MYL4: variants seen among roughly 807,000 people sequenced by gnomAD.
The protein encoded by MYL4 is myosin light chain 4.
MYL4 carries 16 observed loss-of-function variants against 21.6 expected under a neutral mutation model. The ratio of observed to expected loss-of-function variants is 0.74; its 90% CI spans 0.50 to 1.12. MYL4 has a LOEUF of 1.12. Ranked by LOEUF, MYL4 falls within the 50% of genes most tolerant of loss-of-function variation. MYL4 has a pLI of 0.00. For missense variants in MYL4, 249 were observed against 252.9 expected (o/e 0.98, Z 0.11); for synonymous variants, 82 against 95.7 (o/e 0.86, Z 0.83).
chr17:47,209,648 G>C (rs902777617), intron 1 of MYL4, 91 bp downstream of exon 1: 4 of 1,600,708 alleles, frequency 2.5e-6, no homozygotes, highest in Non-Finnish European at 3.4e-6. Context: ...ATGTGGGCTG[G>C]ACTGGGATGA....
At chr17:47,201,957 A>T (rs12937083) in intron 1 of MYL4, among the ~76,000 whole-genome samples, 12,435 of 152,130 alleles carry the variant, frequency 0.082, 588 homozygotes, top group African/African-American at 0.11. Flanking sequence ...TCATTTCAAC[A>T]TGTAATCAAT....
downstream of MYL4, among the ~76,000 whole-genome samples, chr17:47,226,378 A>G (rs1331477471): frequency 6.6e-6 from 1 of 152,188 alleles, no homozygotes; most frequent in Non-Finnish European, 1.5e-5. Flanking sequence ...CCCCAGGGAG[A>G]AGAAGAGCAT....
intron 2 of MYL4, among the ~76,000 whole-genome samples, chr17:47,218,938 T>G (rs1359539990): frequency 6.6e-6 from 1 of 152,184 alleles, no homozygotes; most frequent in Non-Finnish European, 1.5e-5. Context: ...AGCTGGTAAG[T>G]AGGAAAGAGA....
chr17:47,192,849 C>T, the MYL4 span, among the ~76,000 whole-genome samples: 1 of 152,136 alleles, frequency 6.6e-6, no homozygotes, highest in African/African-American at 2.4e-5. Flanking sequence ...CTGCTGTCAT[C>T]CGTTATCCAA....
rs759136865 is a variant in MYL4 at position 47,223,056 on chromosome 17, A to G, written c.*14A>G. ...ATGTCAGGGTGAAGCAGAGTCTTCC[A>G]GGTGAGTGCAGCCTCTCCCTCCTGG... On this transcript the variant is annotated splice_region_variant and 3_prime_UTR_variant, in exon 6 of 7. Coordinates refer to ENST00000393450, the MANE Select transcript of MYL4 (RefSeq NM_002476.2). The G allele has an allele frequency of 2.2e-5, 35 of 1,614,034 alleles. No homozygotes were observed. Among genetic ancestry groups the G allele is most frequent in the Non-Finnish European group, 2.8e-5 (33 of 1,180,010 alleles).
chr17:47,190,216 G>A, the MYL4 span, among the ~76,000 whole-genome samples: 1 of 152,122 alleles, frequency 6.6e-6, no homozygotes, highest in African/African-American at 2.4e-5. Context: ...GCCTGGTTTT[G>A]AATTTTATCT....
chr17:47,208,747 G>A (rs2064748617), upstream of MYL4, among the ~76,000 whole-genome samples: 1 of 152,190 alleles, frequency 6.6e-6, no homozygotes, highest in African/African-American at 2.4e-5. Flanking sequence ...GAGGTTGTGT[G>A]TAAGGGGGTA....
At chr17:47,224,175 T>C (rs1433858725), downstream of MYL4, among the ~76,000 whole-genome samples, 2 of 152,222 alleles carry the variant, frequency 1.3e-5, no homozygotes, top group African/African-American at 2.4e-5. Flanking sequence ...GATAAAGACA[T>C]ACCTGAAACT....
the MYL4 span, among the ~76,000 whole-genome samples, chr17:47,195,076 G>A: frequency 8.4e-5 from 3 of 35,656 alleles, no homozygotes; most frequent in African/African-American, 3.5e-4. Context: ...TTTTTTTTTT[G>A]AGACAGAGTC....
intron 2 of MYL4, among the ~76,000 whole-genome samples, chr17:47,218,272 A>G (rs1216755990): frequency 1.3e-5 from 2 of 152,230 alleles, no homozygotes; most frequent in African/African-American, 2.4e-5. Flanking sequence ...CTTCTGTGAT[A>G]TGTGGAATGA....
upstream of MYL4, among the ~76,000 whole-genome samples, chr17:47,199,637 G>A (rs2064702367): frequency 6.8e-6 from 1 of 147,132 alleles, no homozygotes; most frequent in South Asian, 2.2e-4. Flanking sequence ...ATTAACAAAT[G>A]TGTACCTGTA....
At chr17:47,216,654 C>T (rs1210484000) in intron 2 of MYL4, among the ~76,000 whole-genome samples, 2 of 151,722 alleles carry the variant, frequency 1.3e-5, no homozygotes, top group Non-Finnish European at 2.9e-5. Flanking sequence ...CTTCAGGTTT[C>T]ACCCTCTTAT....
intron 2 of MYL4, among the ~76,000 whole-genome samples, chr17:47,216,679 TC>T (rs1368903305): frequency 6.6e-6 from 1 of 151,442 alleles, no homozygotes; most frequent in Non-Finnish European, 1.5e-5. Flanking sequence ...CATCATGACA[TC>T]TTTTTTTTCT....
chr17:47,209,571 A>G lies in MYL4; in HGVS notation c.135+14A>G, dbSNP rs760301323. 2 of 1,614,214 alleles carry G rather than the reference A, an allele frequency of 1.2e-6. No individual in the cohort carries two copies. Among genetic ancestry groups the G allele is most frequent in the South Asian group, 2.2e-5 (2 of 91,080 alleles). ...AAGAGTGTAAAGGTAAGTGAGGCTC[A>G]GCCATTGGGATAGAGGTGGGGATGA... On this transcript the variant is annotated intron_variant, in intron 1 of 6. Transcript: ENST00000393450.
At chr17:47,208,185 C>G (rs939470709), upstream of MYL4, among the ~76,000 whole-genome samples, 1 of 152,138 alleles carries the variant, frequency 6.6e-6, no homozygotes, top group Non-Finnish European at 1.5e-5. Flanking sequence ...AAGACCGAGG[C>G]TAGTGGATCC....
At chr17:47,207,483 C>G (rs1047273108), upstream of MYL4, among the ~76,000 whole-genome samples, 1 of 152,154 alleles carries the variant, frequency 6.6e-6, no homozygotes, top group African/African-American at 2.4e-5. Flanking sequence ...GGGCATGGAA[C>G]CTGTAGTTAG....
chr17:47,222,354 C>G (rs113572457), intron 4 of MYL4, 26 bp from the exon 5 acceptor site: 1 of 1,609,600 alleles, frequency 6.2e-7, no homozygotes, highest in African/African-American at 1.3e-5. Context: ...TAATTAAGAG[C>G]GCACCACCTC....
chr17:47,191,822 T>G, the MYL4 span, among the ~76,000 whole-genome samples: 1 of 152,196 alleles, frequency 6.6e-6, no homozygotes, highest in Non-Finnish European at 1.5e-5. Flanking sequence ...GCTAAACTTG[T>G]GTGGTCATTT....
Position 47,219,916 on chromosome 17 carries a change from C to T in MYL4, c.176C>T (p.Ala59Val), listed in dbSNP as rs199785200. Residue 59 changes from alanine (A) to valine (V), a missense_variant, in exon 3 of 7, where the codon GCC (alanine) becomes GTC (valine). Coordinates refer to ENST00000393450, the MANE Select transcript of MYL4 (RefSeq NM_002476.2). The part of the protein sequence containing the change: ...TADQIEEFKE[A>V]FSLFDRTPTG... ...CTTCTCTCCACAGAGTTCAAAGAGG[C>T]CTTTTCATTGTTTGACCGGACCCCG... 6 of 1,614,228 alleles carry T rather than the reference C, an allele frequency of 3.7e-6. No individual in the cohort carries two copies. The East Asian group carries it at 1.1e-4, about 30-fold the overall frequency.
Sources: gnomAD v4.1 joint callset for allele counts (sites outside exome capture counted in the v4.1 genomes callset) on GRCh38, gnomAD v4.1.1 for gene constraint, MANE v1.5 for transcripts, NCBI Gene and HGNC (gene_info 2026-07-23, HGNC 2026-07-21) for gene names.